The following MAP3K9 variants were observed in gnomAD, a reference collection of about 807,000 sequenced individuals.
The protein encoded by MAP3K9 is mixed lineage kinase 1 (tyr and ser/thr specificity).
In MAP3K9, 46 loss-of-function variants were observed where a neutral mutation model predicts 95.8. That is an observed-to-expected ratio of 0.48 (90% CI 0.38 to 0.61). The LOEUF (loss-of-function observed/expected upper bound fraction) is 0.61, where lower values mean the gene tolerates loss of function less well. MAP3K9 is among the 20% of genes least tolerant of loss of function. The pLI, the probability that MAP3K9 is intolerant of heterozygous loss-of-function variation, is 0.00. For missense variants in MAP3K9, 1,296 were observed against 1,474.3 expected, an observed-to-expected ratio of 0.88 and a Z score of 1.98; for synonymous variants, 533 against 593.8, an observed-to-expected ratio of 0.90 and a Z score of 1.49.
rs545549535 is a variant in MAP3K9, at chr14:70,733,523, C to A, written c.2027-181G>T. ...GAACCAAGGGGGCTTTATCCACCCC[C>A]CAACACAGGGAAACCACTCTCCATT... On this transcript the variant is annotated intron_variant, in intron 10 of 11. Transcript: ENST00000554752. The A allele has an allele frequency of 3.6e-5, 22 of 609,486 alleles. No individual in the cohort carries two copies. The South Asian group carries it at 4.2e-4, about 12-fold the overall frequency. 37.8% of individuals were successfully genotyped at this position (609,486 alleles called of 1,614,324 possible).
intron 2 of MAP3K9, among the ~76,000 whole-genome samples, chr14:70,782,969 C>A (rs1000115009): frequency 6.6e-6 from 1 of 152,182 alleles, no homozygotes; most frequent in Admixed American, 6.5e-5. Flanking sequence ...ACAGGCATAC[C>A]CAGAAACTGC....
In MAP3K9 at chr14:70,730,107, G is replaced by A. The variant is rs2053873001; in HGVS notation, c.*273C>T. On this transcript the variant is annotated 3_prime_UTR_variant, in exon 12 of 12. Transcript: ENST00000554752. ...GGTCACTCTAAAGGCAAGGAAGACT[G>A]TGGAGGGTGGGGGACATGCATGCAC... The A allele has an allele frequency of 2.2e-6, 1 of 454,666 alleles. No homozygotes were observed. The highest frequency in any genetic ancestry group is 4.0e-6 in the Non-Finnish European group (1 of 251,176). The allele number at this position is 454,666 out of a possible 1,614,324, so 28.2% of individuals were successfully genotyped here. A position where few individuals can be genotyped will look rare whatever the true frequency, so the allele number is the denominator to read the frequency against.
chr14:70,737,601 A>T (rs2054002738), intron 8 of MAP3K9, among the ~76,000 whole-genome samples: 1 of 152,148 alleles, frequency 6.6e-6, no homozygotes, highest in African/African-American at 2.4e-5. Flanking sequence ...ATGGGGTGAG[A>T]TCTGAAAATA....
At position 70,726,296 on chromosome 14, in the gene MAP3K9, C is replaced by G. The variant is rs947126767; in HGVS notation, c.*4084G>C. The stretch of plus-strand genomic sequence containing the variant: ...GTCCTTGGGGTATCTCATTGTGTCC[C>G]TGAGCAACAGTAGCCTGAGGGAAAG... On this transcript the variant is annotated 3_prime_UTR_variant, in exon 12 of 12. Coordinates refer to ENST00000554752, the MANE Select transcript of MAP3K9 (RefSeq NM_001284230.2). 2.6e-5 allele frequency: 4 copies of G among 152,276 alleles called. No individual in the cohort carries two copies. The highest frequency in any genetic ancestry group is 9.6e-5 in the African/African-American group (4 of 41,456). 9.4% of individuals were successfully genotyped at this position (152,276 alleles called of 1,614,324 possible).
intron 1 of MAP3K9, among the ~76,000 whole-genome samples, chr14:70,802,140 C>G (rs1412251075): frequency 6.6e-6 from 1 of 152,230 alleles, no homozygotes; most frequent in Non-Finnish European, 1.5e-5. Context: ...ACAGACCCAA[C>G]AGCAAAAGGA....
chr14:70,748,104 C>A (rs1242104661), intron 5 of MAP3K9, among the ~76,000 whole-genome samples: 113 of 125,402 alleles, frequency 9.0e-4, no homozygotes, highest in Non-Finnish European at 8.8e-4. Flanking sequence ...GAGACTGTCT[C>A]AAAAAAAAAA....
At chr14:70,806,481 G>A (rs915581425) in intron 1 of MAP3K9, among the ~76,000 whole-genome samples, 3 of 152,224 alleles carry the variant, frequency 2.0e-5, no homozygotes, top group African/African-American at 7.2e-5. Flanking sequence ...AAAAGAACGT[G>A]TCAGGTCTTT....
intron 2 of MAP3K9, among the ~76,000 whole-genome samples, chr14:70,782,561 A>G (rs2054694458): frequency 6.6e-6 from 1 of 152,208 alleles, no homozygotes; most frequent in Non-Finnish European, 1.5e-5. Flanking sequence ...CAAGTCCTTA[A>G]TAGCCCTGGA....
Position 70,728,801 on chromosome 14 carries a change from A to G in MAP3K9, c.*1579T>C, listed in dbSNP as rs1411680398. The G allele has an allele frequency of 6.6e-6, 1 of 152,272 alleles. No individual in the cohort carries two copies. Among genetic ancestry groups the G allele is most frequent in the Non-Finnish European group, 1.5e-5 (1 of 68,088 alleles). The allele number at this position is 152,272 out of a possible 1,614,324, so 9.4% of individuals were successfully genotyped here. ...ACTGTTGCCAGCTGCACATCCAGGC[A>G]GCAAATGCAAGGAACCTGCTGAGTG... On this transcript the variant is annotated 3_prime_UTR_variant, in exon 12 of 12. Transcript: ENST00000554752.
At position 70,746,678 on chromosome 14, in the gene MAP3K9, T is replaced by C; in HGVS notation, c.1326+2151A>G. 1.3e-5 allele frequency among the ~76,000 whole-genome samples: 2 copies of C among 152,230 alleles called. 1 individual carries two copies. Among genetic ancestry groups the C allele is most frequent in the Admixed American group, 1.3e-4 (2 of 15,284 alleles). ...CACTGACATCATTGACACAGACAAT[T>C]ATTATCTCATTAAATAAGATAATTC... On this transcript the variant is annotated intron_variant, in intron 5 of 11. Transcript: ENST00000554752.
At chr14:70,731,624 A>C (rs146917357) in intron 11 of MAP3K9, among the ~76,000 whole-genome samples, 2 of 152,308 alleles carry the variant, frequency 1.3e-5, no homozygotes, top group East Asian at 3.9e-4. Context: ...ACTCAAGGGC[A>C]TGTCTGTTCA....
chr14:70,742,233 C>A, intron 6 of MAP3K9, 118 bp downstream of exon 6: 1 of 1,367,914 alleles, frequency 7.3e-7, no homozygotes, highest in African/African-American at 1.4e-5. Context: ...TTAAAACAGG[C>A]TGGAGTTTGA....
At position 70,730,433 on chromosome 14, in the gene MAP3K9, G is replaced by A. The variant is rs755302161; in HGVS notation, c.3262C>T (p.Leu1088=). The A allele has an allele frequency of 7.4e-6, 12 of 1,614,198 alleles. No homozygotes were observed. The East Asian group carries it at 2.7e-4, about 36-fold the overall frequency. Residue 1088 remains leucine (L), a synonymous_variant, in exon 12 of 12, where the codon CTG becomes TTG. Transcript: ENST00000554752. ...TAAGGGGCAGGCCTGTGTGTGTTCA[G>A]TTCCGCTCTGCACAGCGGCACGGTG... is the stretch of plus-strand genomic sequence containing the variant. ...DSTVPLCRAE[L]NTHRPAPYEI...
intron 2 of MAP3K9, among the ~76,000 whole-genome samples, chr14:70,787,531 T>C (rs1323852648): frequency 2.1e-5 from 3 of 145,840 alleles, no homozygotes; most frequent in African/African-American, 2.5e-5. Flanking sequence ...AAAAGATCGG[T>C]CATTGCCAGC....
intron 2 of MAP3K9, among the ~76,000 whole-genome samples, chr14:70,771,472 C>T (rs1397805558): frequency 6.6e-6 from 1 of 152,054 alleles, no homozygotes; most frequent in Non-Finnish European, 1.5e-5. Context: ...GCTTAAACTC[C>T]AGATCTATGT....
At chr14:70,795,137 G>C (rs545070555) in intron 2 of MAP3K9, among the ~76,000 whole-genome samples, 1 of 151,396 alleles carries the variant, frequency 6.6e-6, no homozygotes, top group Non-Finnish European at 1.5e-5. Flanking sequence ...GGGACTACAG[G>C]CGCATGCCAC....
chr14:70,751,302 G>C (rs886638807), intron 3 of MAP3K9, among the ~76,000 whole-genome samples: 5 of 152,160 alleles, frequency 3.3e-5, no homozygotes, highest in Non-Finnish European at 7.3e-5. Context: ...AATAAGTCAG[G>C]ACAAGAAACC....
At position 70,736,468 on chromosome 14, in the gene MAP3K9, G is replaced by A. The variant is rs866166597; in HGVS notation, c.1845-439C>T. Among the ~76,000 whole-genome samples the A allele has an allele frequency of 4.3e-4, 65 of 152,192 alleles. 1 individual carries two copies. The Middle Eastern group carries it at 0.01, about 24-fold the overall frequency. On this transcript the variant is annotated intron_variant, in intron 8 of 11. Coordinates refer to ENST00000554752, the MANE Select transcript of MAP3K9 (RefSeq NM_001284230.2). ...AGTTCTCAAAATTTCTGACATTAAA[G>A]GGGTCTTCACTCAAGTCTGGATAGA...
chr14:70,735,376 T>C (rs558948592), intron 9 of MAP3K9, among the ~76,000 whole-genome samples: 1 of 151,898 alleles, frequency 6.6e-6, no homozygotes, highest in Non-Finnish European at 1.5e-5. Context: ...CTTTTTTTTT[T>C]TTTTTTTAAG....
Sources: gnomAD v4.1 joint callset for allele counts (sites outside exome capture counted in the v4.1 genomes callset) on GRCh38, gnomAD v4.1.1 for gene constraint, MANE v1.5 for transcripts, NCBI Gene and HGNC (gene_info 2026-07-23, HGNC 2026-07-21) for gene names.